HS6ST2: variants seen among roughly 807,000 people sequenced by gnomAD.
The protein encoded by HS6ST2 is heparan-sulfate 6-O-sulfotransferase 2.
HS6ST2 carries 17 observed loss-of-function variants against 33.0 expected under a neutral mutation model. The ratio of observed to expected loss-of-function variants is 0.52; its 90% CI spans 0.35 to 0.77. The LOEUF (loss-of-function observed/expected upper bound fraction) is 0.77, where lower values mean the gene tolerates loss of function less well. Ranked by LOEUF, HS6ST2 falls within the 30% of genes least tolerant of loss-of-function variation. The pLI, the probability that HS6ST2 is intolerant of heterozygous loss-of-function variation, is 0.01. For synonymous variants in HS6ST2, 248 were observed against 237.1 expected, an observed-to-expected ratio of 1.05 and a Z score of -0.42; for missense variants, 519 against 551.7, an observed-to-expected ratio of 0.94 and a Z score of 0.59.
chrX:132,700,524 A>G (rs2064136305), intron 3 of HS6ST2, among the ~76,000 whole-genome samples: 1 of 107,985 alleles, frequency 9.3e-6, no homozygotes, highest in Non-Finnish European at 1.9e-5. Flanking sequence ...TTTTATGTGC[A>G]CATAAGATCA....
At chrX:132,895,266 C>A (rs2066363031) in intron 2 of HS6ST2, among the ~76,000 whole-genome samples, 1 of 111,489 alleles carries the variant, frequency 9.0e-6, no homozygotes, top group Admixed American at 9.6e-5. Flanking sequence ...AGAAAAAATT[C>A]TTATTTTATT....
chrX:132,846,839 C>A (rs1020333282), intron 2 of HS6ST2, among the ~76,000 whole-genome samples: 1 of 110,005 alleles, frequency 9.1e-6, no homozygotes, highest in African/African-American at 3.3e-5. Flanking sequence ...CACACCAGCT[C>A]TCTACTAAGG....
intron 2 of HS6ST2, among the ~76,000 whole-genome samples, chrX:132,829,220 A>T (rs1265614340): frequency 9.9e-6 from 1 of 100,688 alleles, no homozygotes. Context: ...ATTTATATTT[A>T]TCTATGTAAA....
chrX:132,631,099 TC>T (rs1296798562), intron 4 of HS6ST2, among the ~76,000 whole-genome samples: 1 of 111,781 alleles, frequency 8.9e-6, no homozygotes, highest in Non-Finnish European at 1.9e-5. Context: ...TTGGCCTTCA[TC>T]CCTGGCATAA....
chrX:132,678,017 G>A (rs1227573003), intron 3 of HS6ST2, among the ~76,000 whole-genome samples: 2 of 111,520 alleles, frequency 1.8e-5, no homozygotes, highest in South Asian at 3.8e-4. Context: ...GCTGAACTTG[G>A]CATCTTGAGT....
At chrX:132,876,698 G>A (rs888290101) in intron 2 of HS6ST2, among the ~76,000 whole-genome samples, 5 of 110,502 alleles carry the variant, frequency 4.5e-5, no homozygotes, top group African/African-American at 1.6e-4. Context: ...AGAAGAGTGA[G>A]TGACTGCTAA....
chrX:132,814,054 C>G lies in HS6ST2; in HGVS notation c.948-105560G>C, dbSNP rs1395461846. Among the ~76,000 whole-genome samples, 3 of 111,302 alleles carry G rather than the reference C, an allele frequency of 2.7e-5. No individual in the cohort carries two copies. In the South Asian group the frequency reaches 1.1e-3, roughly 43 times the overall value. On this transcript the variant is annotated intron_variant, in intron 2 of 4. Transcript: ENST00000370833. ...TTGCCTCCCAGGTTCAAGCAATTCT[C>G]TGCCTCAGCCTCCTGTGTAGCTGGG... is the stretch of plus-strand genomic sequence containing the variant.
chrX:132,869,893 C>T (rs762943196), intron 2 of HS6ST2, among the ~76,000 whole-genome samples: 17 of 111,550 alleles, frequency 1.5e-4, no homozygotes, highest in Admixed American at 5.7e-4. Context: ...TTCTATTCAA[C>T]ATAGTATTGG....
intron 3 of HS6ST2, among the ~76,000 whole-genome samples, chrX:132,697,856 A>G (rs1032380683): frequency 7.1e-5 from 8 of 111,996 alleles, no homozygotes; most frequent in African/African-American, 2.6e-4. Flanking sequence ...TTGCTCAAGT[A>G]AACACCCATG....
chrX:132,670,703 C>G (rs2063864005), intron 3 of HS6ST2, among the ~76,000 whole-genome samples: 1 of 112,480 alleles, frequency 8.9e-6, no homozygotes, highest in African/African-American at 3.2e-5. Flanking sequence ...ATCCCAGCTA[C>G]TTGGGAGGCT....
intron 2 of HS6ST2, among the ~76,000 whole-genome samples, chrX:132,744,598 G>C (rs1183588340): frequency 8.9e-6 from 1 of 112,074 alleles, no homozygotes; most frequent in African/African-American, 3.3e-5. Context: ...CACCAGCCCA[G>C]TCAATCAAAT....
chrX:132,652,699 G>A (rs1334142349), intron 4 of HS6ST2, among the ~76,000 whole-genome samples: 1 of 110,333 alleles, frequency 9.1e-6, no homozygotes, highest in Middle Eastern at 4.2e-3. Context: ...AAAATACCAA[G>A]TCTAGTGTTC....
intron 2 of HS6ST2, among the ~76,000 whole-genome samples, chrX:132,849,334 C>A (rs2065780761): frequency 9.0e-6 from 1 of 110,680 alleles, no homozygotes; most frequent in Admixed American, 9.6e-5. Flanking sequence ...TTTTAAAGAG[C>A]CAAAGAAAGA....
chrX:132,775,739 T>C (rs2064951213), intron 2 of HS6ST2, among the ~76,000 whole-genome samples: 2 of 111,425 alleles, frequency 1.8e-5, no homozygotes, highest in African/African-American at 6.5e-5. Context: ...TCTCATGCCA[T>C]TTTCTACCTT....
chrX:132,656,073 A>G (rs2063727838), intron 4 of HS6ST2, among the ~76,000 whole-genome samples: 1 of 110,063 alleles, frequency 9.1e-6, no homozygotes, highest in Admixed American at 9.6e-5. Context: ...AGCAGATGCC[A>G]GTCGGGGAGC....
chrX:132,920,796 G>C (rs928437975), intron 2 of HS6ST2, among the ~76,000 whole-genome samples: 4 of 112,504 alleles, frequency 3.6e-5, no homozygotes, highest in African/African-American at 1.3e-4. Flanking sequence ...ACTGTAGGCA[G>C]CTCCATCTGC....
intron 3 of HS6ST2, among the ~76,000 whole-genome samples, chrX:132,683,229 T>G (rs747209750): frequency 8.9e-6 from 1 of 112,242 alleles, no homozygotes; most frequent in East Asian, 2.8e-4. Context: ...TAAGGGGTCA[T>G]GTCCTTTACA....
At chrX:132,649,408 T>C (rs1022730371) in intron 4 of HS6ST2, among the ~76,000 whole-genome samples, 1 of 112,394 alleles carries the variant, frequency 8.9e-6, no homozygotes, top group African/African-American at 3.2e-5. Flanking sequence ...GATTTCCTTC[T>C]GGAATAATGG....
At chrX:132,847,974 A>G (rs2065768080) in intron 2 of HS6ST2, among the ~76,000 whole-genome samples, 1 of 112,520 alleles carries the variant, frequency 8.9e-6, no homozygotes, top group African/African-American at 3.2e-5. Context: ...TGTCTTTGAG[A>G]ACATCATGCA....
Sources: gnomAD v4.1 joint callset for allele counts (sites outside exome capture counted in the v4.1 genomes callset) on GRCh38, gnomAD v4.1.1 for gene constraint, MANE v1.5 for transcripts, NCBI Gene and HGNC (gene_info 2026-07-23, HGNC 2026-07-21) for gene names.